The following WDR20 variants were observed in gnomAD, a reference collection of about 807,000 sequenced individuals.
WDR20 encodes the protein WD repeat-containing protein 20.
WDR20 carries 3 observed loss-of-function variants against 38.7 expected under a neutral mutation model. That is an observed-to-expected ratio of 0.08 (90% CI 0.04 to 0.20). The LOEUF (loss-of-function observed/expected upper bound fraction) is 0.20. Ranked by LOEUF, WDR20 falls within the 10% of genes least tolerant of loss-of-function variation. The pLI is 1.00. For synonymous variants in WDR20, 298 were observed against 285.6 expected, an observed-to-expected ratio of 1.04 and a Z score of -0.44; for missense variants, 559 against 727.7, an observed-to-expected ratio of 0.77 and a Z score of 2.67.
At chr14:102,196,353 T>C (rs1210101713) in intron 2 of WDR20, among the ~76,000 whole-genome samples, 1 of 152,196 alleles carries the variant, frequency 6.6e-6, no homozygotes, top group Non-Finnish European at 1.5e-5. Flanking sequence ...AAATATTTTA[T>C]TTACCTAGAT....
At chr14:102,205,095 A>C (rs1370380183) in intron 2 of WDR20, among the ~76,000 whole-genome samples, 1 of 152,166 alleles carries the variant, frequency 6.6e-6, no homozygotes. Context: ...ATTTACAAAA[A>C]ATATAAATTT....
chr14:102,152,006 C>G (rs1038748447), intron 1 of WDR20, among the ~76,000 whole-genome samples: 6 of 152,054 alleles, frequency 3.9e-5, no homozygotes, highest in African/African-American at 1.4e-4. Flanking sequence ...ACTGCAACCT[C>G]CGCTTCCTGG....
At position 102,222,622 on chromosome 14, in the gene WDR20, T is replaced by C. The variant is rs575859103; in HGVS notation, c.1693-208T>C. ...TTGGACGGTATTGAGGCCACAGTATTGCACCCAGCAGGGTTCCAATTCTCT... is the reference window on the plus strand; with the variant it reads ...TTGGACGGTATTGAGGCCACAGTATCGCACCCAGCAGGGTTCCAATTCTCT... On this transcript the variant is annotated intron_variant, in intron 3 of 3. Transcript: ENST00000335263. This position sits in a 1 kb window ranked among gnomAD's most constrained non-coding sequence, Gnocchi z 4.4. Among the ~76,000 whole-genome samples, 12 of 152,284 alleles carry C rather than the reference T, an allele frequency of 7.9e-5. 1 individual carries two copies. The highest frequency in any genetic ancestry group is 2.4e-4 in the African/African-American group (10 of 41,564).
At chr14:102,152,241 C>T (rs976467353) in intron 1 of WDR20, among the ~76,000 whole-genome samples, 6 of 151,692 alleles carry the variant, frequency 4.0e-5, no homozygotes, top group East Asian at 1.9e-4. Flanking sequence ...TTCTTCCTCT[C>T]GGATATAAAG....
chr14:102,224,584 C>T (rs928985447), downstream of WDR20: 7 of 455,918 alleles, frequency 1.5e-5, no homozygotes, highest in African/African-American at 8.0e-5. Flanking sequence ...AAATTGGGGG[C>T]ATGTCTTTAC....
intron 1 of WDR20, among the ~76,000 whole-genome samples, chr14:102,170,623 TAA>T (rs34007594): frequency 5.5e-5 from 8 of 146,762 alleles, no homozygotes; most frequent in Non-Finnish European, 9.0e-5. Flanking sequence ...TTCTGGTCTT[TAA>T]AAAAAAAAAA....
At position 102,140,192 on chromosome 14, in the gene WDR20, C is replaced by G; in HGVS notation, c.249+20C>G. 1 of 1,607,734 alleles carries G rather than the reference C, an allele frequency of 6.2e-7. No homozygotes were observed. Among genetic ancestry groups the G allele is most frequent in the South Asian group, 1.1e-5 (1 of 91,002 alleles). On this transcript the variant is annotated intron_variant, in intron 1 of 2. Coordinates refer to ENST00000342702, the MANE Select transcript of WDR20 (RefSeq NM_144574.4). ...CGCAAGGTACCGACCCGGGCGTCACCGGAGCCAGCCAGCGGCGTAGGCAGA... is the reference window on the plus strand; with the variant it reads ...CGCAAGGTACCGACCCGGGCGTCACGGGAGCCAGCCAGCGGCGTAGGCAGA...
chr14:102,139,643 C>T, upstream of WDR20: 2 of 642,560 alleles, frequency 3.1e-6, no homozygotes, highest in South Asian at 2.0e-5. Flanking sequence ...TAGCTGAAGC[C>T]GGCATCACCT....
At chr14:102,140,880 A>G (rs534799113) in intron 1 of WDR20, among the ~76,000 whole-genome samples, 39 of 152,352 alleles carry the variant, frequency 2.6e-4, no homozygotes, top group African/African-American at 9.1e-4. Flanking sequence ...TGATGTTTCC[A>G]GTGAACTAAG....
intron 1 of WDR20, among the ~76,000 whole-genome samples, chr14:102,174,962 C>G (rs2152844450): frequency 6.6e-6 from 1 of 152,086 alleles, no homozygotes; most frequent in South Asian, 2.1e-4. Context: ...GATATTAGTC[C>G]TTTGCTGGAT....
intron 1 of WDR20, among the ~76,000 whole-genome samples, chr14:102,149,572 A>C (rs939616618): frequency 2.0e-5 from 3 of 152,150 alleles, no homozygotes; most frequent in African/African-American, 7.2e-5. Flanking sequence ...GAAATGCTTT[A>C]TTTTTATTTC....
chr14:102,153,236 A>G (rs2056511506), intron 1 of WDR20, among the ~76,000 whole-genome samples: 1 of 151,700 alleles, frequency 6.6e-6, no homozygotes, highest in Non-Finnish European at 1.5e-5. Context: ...AGGCCTCACT[A>G]GAAGCTGAGT....
At chr14:102,175,165 T>C (rs2061781962) in intron 1 of WDR20, among the ~76,000 whole-genome samples, 1 of 152,246 alleles carries the variant, frequency 6.6e-6, no homozygotes, top group Non-Finnish European at 1.5e-5. Flanking sequence ...TATTATCTTC[T>C]AGAATTTTTA....
intron 1 of WDR20, among the ~76,000 whole-genome samples, chr14:102,165,646 T>C (rs1379233428): frequency 2.0e-5 from 3 of 148,862 alleles, no homozygotes; most frequent in African/African-American, 7.4e-5. Context: ...CTTTTTTTTT[T>C]TTTTTTTGGA....
Position 102,210,429 on chromosome 14 carries a change from C to T in WDR20, c.*549C>T, listed in dbSNP as rs1490540112. Reference sequence around the variant, plus strand: ...TGATTGATATTATTTTTACATTGTTCTGGCAATCCACAGAAAGAGAAGAGC... The same window carrying T: ...TGATTGATATTATTTTTACATTGTTTTGGCAATCCACAGAAAGAGAAGAGC... On this transcript the variant is annotated 3_prime_UTR_variant, in exon 3 of 3. Coordinates refer to ENST00000342702, the MANE Select transcript of WDR20 (RefSeq NM_144574.4). 1.7e-5 allele frequency: 17 copies of T among 985,322 alleles called. No homozygotes were observed. Among genetic ancestry groups the T allele is most frequent in the Non-Finnish European group, 2.0e-5 (17 of 829,924 alleles). The allele number at this position is 985,322 out of a possible 1,614,324, so 61.0% of individuals were successfully genotyped here.
At position 102,208,932 on chromosome 14, in the gene WDR20, G is replaced by T. The variant is rs1046634227; in HGVS notation, c.762G>T (p.Leu254=). 1.9e-6 allele frequency: 3 copies of T among 1,614,242 alleles called. No homozygotes were observed. The highest frequency in any genetic ancestry group is 1.7e-6 in the Non-Finnish European group (2 of 1,180,052). Residue 254 remains leucine, a synonymous_variant, in exon 3 of 3, where the codon CTG becomes CTT. Coordinates refer to ENST00000342702, the MANE Select transcript of WDR20 (RefSeq NM_144574.4). The surrounding 1 kb of genome is among the most constrained non-coding windows in gnomAD (Gnocchi z 5.6). The stretch of plus-strand genomic sequence containing the variant: ...TGTTCAACTTTGACTCAGTGGAGCT[G>T]CACGGTACGATGAAAAGCTACTTTG... ...LRVFNFDSVE[L]HGTMKSYFGG... is the part of the protein sequence containing the mutation.
At chr14:102,140,622 G>A (rs2050630199) in intron 1 of WDR20, among the ~76,000 whole-genome samples, 1 of 152,164 alleles carries the variant, frequency 6.6e-6, no homozygotes, top group Admixed American at 6.5e-5. Context: ...CTGTAAGGCG[G>A]AACCGGGGCC....
chr14:102,213,240 A>T (rs1034168934), downstream of WDR20: 2 of 985,372 alleles, frequency 2.0e-6, no homozygotes, highest in African/African-American at 3.5e-5. Context: ...CAGAAGGAGA[A>T]TTAAAAATTC....
At chr14:102,159,932 C>T (rs2058268183) in intron 1 of WDR20, among the ~76,000 whole-genome samples, 1 of 152,072 alleles carries the variant, frequency 6.6e-6, no homozygotes, top group Non-Finnish European at 1.5e-5. Flanking sequence ...TTGTGAGACC[C>T]TGTCTTTACA....
Sources: gnomAD v4.1 joint callset for allele counts (sites outside exome capture counted in the v4.1 genomes callset) on GRCh38, gnomAD v4.1.1 for gene constraint, Gnocchi (gnomAD v3.1) non-coding constraint, MANE v1.5 for transcripts, NCBI Gene and HGNC (gene_info 2026-07-23, HGNC 2026-07-21) for gene names.